The following HS3ST4 variants were observed in gnomAD, a reference collection of about 807,000 sequenced individuals.
HS3ST4 encodes the protein heparan sulfate-glucosamine 3-sulfotransferase 4, also known as heparan sulfate glucosamine 3-O-sulfotransferase 4.
Under a neutral mutation model 29.2 loss-of-function variants are expected in HS3ST4, and 17 were observed. The observed-to-expected ratio is 0.58, with a 90% CI of 0.40 to 0.87. The LOEUF (loss-of-function observed/expected upper bound fraction) is 0.87. HS3ST4 is among the 40% of genes least tolerant of loss of function. HS3ST4 has a pLI of 0.00. For synonymous variants in HS3ST4, 314 were observed against 285.7 expected (o/e 1.10, Z -1.00); for missense variants, 627 against 634.5 (o/e 0.99, Z 0.13).
At chr16:25,765,232 G>T (rs372025622) in intron 1 of HS3ST4, among the ~76,000 whole-genome samples, 4 of 152,186 alleles carry the variant, frequency 2.6e-5, no homozygotes, top group Non-Finnish European at 5.9e-5. Context: ...AAAAGGAAAC[G>T]AATTCTGGCA....
intron 1 of HS3ST4, among the ~76,000 whole-genome samples, chr16:25,723,639 A>T (rs182718096): frequency 1.3e-4 from 20 of 152,296 alleles, no homozygotes; most frequent in Admixed American, 3.3e-4. Flanking sequence ...TTGCCTAACA[A>T]TTTTTTATCT....
intron 1 of HS3ST4, among the ~76,000 whole-genome samples, chr16:25,760,049 G>C (rs998974982): frequency 4.6e-5 from 7 of 152,050 alleles, no homozygotes; most frequent in African/African-American, 1.7e-4. Flanking sequence ...TGGCATCTCC[G>C]GGACTTGAAC....
intron 1 of HS3ST4, among the ~76,000 whole-genome samples, chr16:26,094,685 G>A (rs926402428): frequency 1.3e-5 from 2 of 152,178 alleles, no homozygotes; most frequent in East Asian, 1.9e-4. Flanking sequence ...GACCATTGAT[G>A]CTCTGAAGAA....
At chr16:25,961,682 T>C (rs1347951319) in intron 1 of HS3ST4, among the ~76,000 whole-genome samples, 1 of 152,178 alleles carries the variant, frequency 6.6e-6, no homozygotes, top group Non-Finnish European at 1.5e-5. Flanking sequence ...GTCCCAAGCA[T>C]TATTTTATTC....
intron 1 of HS3ST4, among the ~76,000 whole-genome samples, chr16:25,771,210 A>G (rs890783776): frequency 3.3e-5 from 5 of 151,024 alleles, no homozygotes; most frequent in Non-Finnish European, 4.4e-5. Context: ...TCATTGTTCA[A>G]CTCCTACTTA....
At chr16:26,007,555 T>C (rs557984561) in intron 1 of HS3ST4, among the ~76,000 whole-genome samples, 2 of 152,186 alleles carry the variant, frequency 1.3e-5, no homozygotes, top group African/African-American at 4.8e-5. Flanking sequence ...TCAGTACTTA[T>C]TGCTGCTCCC....
At chr16:25,907,190 G>A (rs1402135675) in intron 1 of HS3ST4, among the ~76,000 whole-genome samples, 1 of 152,008 alleles carries the variant, frequency 6.6e-6, no homozygotes, top group African/African-American at 2.4e-5. Context: ...AGTGAGACCT[G>A]TCTCTAAAAA....
chr16:25,712,357 AC>A (rs1235476106), intron 1 of HS3ST4, among the ~76,000 whole-genome samples: 1 of 152,082 alleles, frequency 6.6e-6, no homozygotes, highest in Non-Finnish European at 1.5e-5. Flanking sequence ...CTCCATCTCT[AC>A]TAAAAATACA....
intron 1 of HS3ST4, among the ~76,000 whole-genome samples, chr16:25,796,338 C>A (rs2141622092): frequency 6.6e-6 from 1 of 152,262 alleles, no homozygotes. Context: ...CCAGCTGCCT[C>A]TTAAACTCTC....
At chr16:26,100,550 C>T (rs1247635170) in intron 1 of HS3ST4, among the ~76,000 whole-genome samples, 1 of 152,082 alleles carries the variant, frequency 6.6e-6, no homozygotes, top group Non-Finnish European at 1.5e-5. Flanking sequence ...TTTTTGAGGA[C>T]TGCAGACCTC....
chr16:25,711,654 T>C (rs1308465542), intron 1 of HS3ST4, among the ~76,000 whole-genome samples: 6 of 152,208 alleles, frequency 3.9e-5, no homozygotes, highest in African/African-American at 1.4e-4. Flanking sequence ...GAGTAGAACT[T>C]AGCTAGAATT....
chr16:25,985,752 TA>T (rs1315968046), intron 1 of HS3ST4, among the ~76,000 whole-genome samples: 2 of 152,130 alleles, frequency 1.3e-5, no homozygotes, highest in African/African-American at 4.8e-5. Flanking sequence ...GCAGTGGTGA[TA>T]ATGGTTCACT....
At chr16:25,718,805 C>T (rs189701920) in intron 1 of HS3ST4, among the ~76,000 whole-genome samples, 78 of 152,214 alleles carry the variant, frequency 5.1e-4, no homozygotes, top group African/African-American at 1.7e-3. Context: ...TGGAAATTAT[C>T]GGCATAAAGG....
chr16:25,897,658 G>A (rs1435481579), intron 1 of HS3ST4, among the ~76,000 whole-genome samples: 2 of 151,936 alleles, frequency 1.3e-5, no homozygotes, highest in Admixed American at 6.6e-5. Context: ...GTGGTGGTAG[G>A]GGGGCAGTAG....
intron 1 of HS3ST4, among the ~76,000 whole-genome samples, chr16:25,869,847 C>A (rs1431232801): frequency 6.6e-6 from 1 of 152,142 alleles, no homozygotes; most frequent in Non-Finnish European, 1.5e-5. Context: ...TCTTAGAACA[C>A]CTCTGTTGCT....
At chr16:26,098,818 T>C (rs184007788) in intron 1 of HS3ST4, among the ~76,000 whole-genome samples, 3 of 151,782 alleles carry the variant, frequency 2.0e-5, no homozygotes, top group African/African-American at 4.8e-5. Flanking sequence ...GGTAGATGTA[T>C]GGTATGATTG....
intron 1 of HS3ST4, among the ~76,000 whole-genome samples, chr16:26,092,941 C>T (rs561760784): frequency 1.6e-4 from 24 of 152,288 alleles, no homozygotes; most frequent in Middle Eastern, 6.8e-3. Context: ...GATTCTCTCC[C>T]GTGCCTGACT....
At chr16:25,996,834 C>CCATAATTGGCATTGATTAA (rs2141731453) in intron 1 of HS3ST4, among the ~76,000 whole-genome samples, 1 of 152,114 alleles carries the variant, frequency 6.6e-6, no homozygotes, top group South Asian at 2.1e-4. Flanking sequence ...AATTTTGATG[C>CCATAATTGGCATTGATTAA]AATTGATATT....
intron 1 of HS3ST4, among the ~76,000 whole-genome samples, chr16:25,712,315 G>A (rs886512924): frequency 1.3e-5 from 2 of 152,040 alleles, no homozygotes; most frequent in African/African-American, 2.4e-5. Flanking sequence ...TGAGTCAAGG[G>A]GTTTGAGACC....
Sources: allele counts gnomAD v4.1 joint callset (sites outside exome capture counted in the v4.1 genomes callset), GRCh38; gene constraint gnomAD v4.1.1; transcripts MANE v1.5; gene names NCBI Gene and HGNC (gene_info 2026-07-23, HGNC 2026-07-21).